Variants in MRLN observed in about 807,000 individuals in gnomAD.
MRLN encodes Linc-RNA activator of myogenesis.
At chr10:59,750,077 T>C (rs1270882055) in intron 1 of MRLN, among the ~76,000 whole-genome samples, 4 of 140,636 alleles carry the variant, frequency 2.8e-5, no homozygotes, top group Admixed American at 7.2e-5. Flanking sequence ...TTTTTTTTTT[T>C]TTTTTTTTTT....
In MRLN at chr10:59,738,469, C is replaced by T. The variant is rs1040091054; in HGVS notation, c.-31G>A. ...AGACCCATTTCTCACCTGAATTAAT[C>T]CCAGGTAGTGGTAGGTAACACGGCT... On this transcript the variant is annotated 5_prime_UTR_variant, in exon 2 of 3. Transcript: ENST00000414264. 2 of 152,098 alleles carry T rather than the reference C, an allele frequency of 1.3e-5. No individual in the cohort carries two copies. The highest frequency in any genetic ancestry group is 1.3e-4 in the Admixed American group (2 of 15,270). 9.4% of individuals were successfully genotyped at this position (152,098 alleles called of 1,614,324 possible). A position where few individuals can be genotyped will look rare whatever the true frequency, so the allele number is the denominator to read the frequency against.
intron 1 of MRLN, among the ~76,000 whole-genome samples, chr10:59,749,648 C>G (rs775243774): frequency 9.2e-5 from 14 of 151,620 alleles, no homozygotes; most frequent in Non-Finnish European, 1.9e-4. Flanking sequence ...GAACCGAGAT[C>G]GTGCCACTAA....
intron 1 of MRLN, among the ~76,000 whole-genome samples, chr10:59,747,660 C>T (rs559944134): frequency 2.6e-5 from 4 of 152,284 alleles, no homozygotes; most frequent in Non-Finnish European, 4.4e-5. Context: ...AATGTATTTC[C>T]GACTTGTCCG....
intron 1 of MRLN, among the ~76,000 whole-genome samples, chr10:59,740,314 A>C (rs1394773637): frequency 6.6e-6 from 1 of 152,072 alleles, no homozygotes; most frequent in African/African-American, 2.4e-5. Flanking sequence ...AGTTGTATTG[A>C]CTATACTATA....
rs1379002662 is a variant in MRLN, at chr10:59,737,035, T to C, written c.*25A>G. ...TTATTCACTGTAATTCAGTTTGAAA[T>C]GTACATGGAAAGGAAGTCAGCTTTC... On this transcript the variant is annotated 3_prime_UTR_variant, in exon 3 of 3. Coordinates refer to ENST00000414264, the MANE Select transcript of MRLN (RefSeq NM_001304731.2). 3 of 393,582 alleles carry C rather than the reference T, an allele frequency of 7.6e-6. No homozygotes were observed. Among genetic ancestry groups the C allele is most frequent in the Admixed American group, 4.4e-5 (1 of 22,546 alleles). 24.4% of individuals were successfully genotyped at this position (393,582 alleles called of 1,614,324 possible).
intron 1 of MRLN, among the ~76,000 whole-genome samples, chr10:59,752,834 A>G (rs1469477776): frequency 6.6e-6 from 1 of 152,214 alleles, no homozygotes; most frequent in Non-Finnish European, 1.5e-5. Context: ...AAAACAAGGA[A>G]GGAATGAATC....
At chr10:59,752,435 G>A (rs1462229850) in intron 1 of MRLN, among the ~76,000 whole-genome samples, 1 of 152,158 alleles carries the variant, frequency 6.6e-6, no homozygotes, top group Admixed American at 6.5e-5. Flanking sequence ...TTTTACAAAT[G>A]AGCAAACTGA....
At chr10:59,745,422 C>T (rs888649152) in intron 1 of MRLN, among the ~76,000 whole-genome samples, 12 of 151,526 alleles carry the variant, frequency 7.9e-5, no homozygotes, top group Admixed American at 5.2e-4. Context: ...TCTGATATGA[C>T]AGCTGAGGTT....
intron 2 of MRLN, chr10:59,737,998 A>G (rs1052762810): frequency 2.0e-5 from 3 of 152,172 alleles, no homozygotes; most frequent in Non-Finnish European, 4.4e-5. Flanking sequence ...TATTTCATCT[A>G]CTATTTTCAC....
intron 1 of MRLN, among the ~76,000 whole-genome samples, chr10:59,743,251 T>A (rs1368253437): frequency 2.0e-5 from 3 of 146,712 alleles, no homozygotes; most frequent in Non-Finnish European, 4.5e-5. Flanking sequence ...TCACATTCAT[T>A]CATTTAAAAG....
At chr10:59,742,946 T>A (rs1392178411) in intron 1 of MRLN, among the ~76,000 whole-genome samples, 1 of 152,050 alleles carries the variant, frequency 6.6e-6, no homozygotes, top group Non-Finnish European at 1.5e-5. Context: ...CCCAGGCTGG[T>A]CTTGAACTCC....
intron 1 of MRLN, among the ~76,000 whole-genome samples, chr10:59,742,491 C>T (rs1197840356): frequency 2.0e-5 from 3 of 152,104 alleles, no homozygotes; most frequent in African/African-American, 7.2e-5. Flanking sequence ...GATTTGCTAC[C>T]ACAAAATCAG....
At chr10:59,739,310 C>T (rs1159228927) in intron 1 of MRLN, 1 of 152,094 alleles carries the variant, frequency 6.6e-6, no homozygotes, top group Admixed American at 6.6e-5. Context: ...GGGATTAGTT[C>T]TAGAATACCC....
intron 1 of MRLN, among the ~76,000 whole-genome samples, chr10:59,746,065 T>C (rs1273435316): frequency 6.6e-6 from 1 of 152,230 alleles, no homozygotes; most frequent in Non-Finnish European, 1.5e-5. Context: ...AAAATGAATA[T>C]ACTTTGCAAA....
chr10:59,749,681 A>C lies in MRLN; in HGVS notation c.-125+3673T>G, dbSNP rs148209535. On this transcript the variant is annotated intron_variant, in intron 1 of 2. Transcript: ENST00000414264. ...TAAACTCCAGCCTGGGTCTCAAAAAAAAAACAAAACAAAACAAGCAAACAA... is the reference window on the plus strand; with the variant it reads ...TAAACTCCAGCCTGGGTCTCAAAAACAAAACAAAACAAAACAAGCAAACAA... 4.8e-3 allele frequency among the ~76,000 whole-genome samples: 737 copies of C among 152,134 alleles called. 6 individuals carry two copies. The highest frequency in any genetic ancestry group is 0.015 in the African/African-American group (611 of 41,536).
chr10:59,746,974 A>G (rs1235907225), intron 1 of MRLN, among the ~76,000 whole-genome samples: 2 of 151,970 alleles, frequency 1.3e-5, no homozygotes, highest in African/African-American at 2.4e-5. Context: ...TAATTTTTGT[A>G]TTTTTAGTAG....
At chr10:59,744,575 C>A (rs1841023184) in intron 1 of MRLN, among the ~76,000 whole-genome samples, 1 of 151,344 alleles carries the variant, frequency 6.6e-6, no homozygotes, top group Non-Finnish European at 1.5e-5. Context: ...AAGTGAGGAG[C>A]CCCTCTGCCC....
chr10:59,749,940 A>G (rs1262268308), intron 1 of MRLN, among the ~76,000 whole-genome samples: 5 of 150,018 alleles, frequency 3.3e-5, no homozygotes, highest in Admixed American at 3.3e-4. Context: ...GCCTGGCAGC[A>G]CTCCTGAGGG....
intron 1 of MRLN, among the ~76,000 whole-genome samples, chr10:59,749,968 C>T (rs1227260606): frequency 6.6e-6 from 1 of 151,978 alleles, no homozygotes; most frequent in Non-Finnish European, 1.5e-5. Flanking sequence ...GATCACCCAC[C>T]CGCCCCAGGT....
Sources: allele counts gnomAD v4.1 joint callset (sites outside exome capture counted in the v4.1 genomes callset), GRCh38; gene constraint gnomAD v4.1.1; transcripts MANE v1.5; gene names NCBI Gene and HGNC (gene_info 2026-07-23, HGNC 2026-07-21).